The following NOTCH2 variants were observed in gnomAD, a reference collection of about 807,000 sequenced individuals.
NOTCH2 encodes the protein neurogenic locus notch homolog protein 2.
In NOTCH2, 29 loss-of-function variants were observed where a neutral mutation model predicts 235.8. The ratio of observed to expected loss-of-function variants is 0.12; its 90% CI spans 0.09 to 0.17. NOTCH2 has a LOEUF of 0.17. Among genes scored for constraint, NOTCH2 ranks in the 10% least tolerant of loss-of-function variants. The pLI is 1.00. For missense variants in NOTCH2, 2,285 were observed against 3,150.2 expected (o/e 0.73, Z 6.57); for synonymous variants, 1,086 against 1,141.5 (o/e 0.95, Z 0.98).
At chr1:119,922,540 C>T (rs1383973879) in intron 27 of NOTCH2, 94 bp from the exon 28 acceptor site, 12 of 1,601,502 alleles carry the variant, frequency 7.5e-6, no homozygotes, top group Middle Eastern at 1.6e-4. Context: ...TTGACCTCAA[C>T]AGTCCTGAAA....
intron 19 of NOTCH2, among the ~76,000 whole-genome samples, chr1:119,940,289 C>G (rs1444085440): frequency 6.6e-6 from 1 of 152,118 alleles, no homozygotes; most frequent in East Asian, 1.9e-4. Context: ...AAACAAAAAA[C>G]AAAAATCTGT....
chr1:120,023,471 C>T (rs1268837456), intron 2 of NOTCH2, among the ~76,000 whole-genome samples: 5 of 134,638 alleles, frequency 3.7e-5, no homozygotes, highest in Non-Finnish European at 6.2e-5. Context: ...ATGTCCTCTT[C>T]ATGTCACCAG....
intron 4 of NOTCH2, chr1:119,996,539 G>T (rs1368525994): frequency 2.2e-4 from 142 of 656,458 alleles, no homozygotes; most frequent in Non-Finnish European, 3.8e-4. Context: ...CATTTAGGTG[G>T]ATAAGAAAAC....
intron 5 of NOTCH2, among the ~76,000 whole-genome samples, chr1:119,979,342 G>T (rs1198870062): frequency 6.6e-6 from 1 of 152,176 alleles, no homozygotes; most frequent in African/African-American, 2.4e-5. Flanking sequence ...AAGGCAGGGA[G>T]CCCAGTGTTA....
At chr1:119,960,817 C>T (rs1463527309) in intron 11 of NOTCH2, among the ~76,000 whole-genome samples, 2 of 151,998 alleles carry the variant, frequency 1.3e-5, no homozygotes, top group African/African-American at 4.8e-5. Flanking sequence ...GTGTGTACCA[C>T]CTTACCTGGC....
At chr1:119,978,118 A>G (rs1651662722) in intron 5 of NOTCH2, among the ~76,000 whole-genome samples, 1 of 152,098 alleles carries the variant, frequency 6.6e-6, no homozygotes, top group South Asian at 2.1e-4. Flanking sequence ...GCCTGGGAGG[A>G]GCGTGCCAGG....
rs1430364629 is a variant in NOTCH2 at position 120,065,496 on chromosome 1, T to C, written c.73+3838A>G. On this transcript the variant is annotated intron_variant, in intron 1 of 33. Coordinates refer to ENST00000256646, the MANE Select transcript of NOTCH2 (RefSeq NM_024408.4). The stretch of plus-strand genomic sequence containing the variant: ...GCATTTGTACACGAGATGGAAGCAA[T>C]GAGGACAGTGAATGAGGCACTGGAC... 3.3e-5 allele frequency among the ~76,000 whole-genome samples: 5 copies of C among 152,276 alleles called. No individual in the cohort carries two copies. The East Asian group carries it at 7.7e-4, about 24-fold the overall frequency.
intron 1 of NOTCH2, among the ~76,000 whole-genome samples, chr1:120,045,665 C>G (rs1245652265): frequency 1.3e-5 from 2 of 152,110 alleles, no homozygotes; most frequent in East Asian, 3.8e-4. Flanking sequence ...GAGATACAAC[C>G]TAATTCACAT....
chr1:119,996,885 T>C, intron 4 of NOTCH2, 112 bp downstream of exon 4: 1 of 1,337,908 alleles, frequency 7.5e-7, no homozygotes, highest in African/African-American at 1.4e-5. Flanking sequence ...CCACACAAAA[T>C]TCTCACTTCC....
chr1:119,967,819 C>A (rs1416353219), intron 7 of NOTCH2, among the ~76,000 whole-genome samples, 198 bp from the exon 8 acceptor site: 2 of 152,134 alleles, frequency 1.3e-5, no homozygotes, highest in East Asian at 3.9e-4. Flanking sequence ...TCTGCTATTG[C>A]AGTTTCTGCC....
rs1652677026 is a variant in NOTCH2, at chr1:119,999,980, G to GAAAGA, written c.416-2649_416-2648insTCTTT. On this transcript the variant is annotated intron_variant, in intron 3 of 33. Coordinates refer to ENST00000256646, the MANE Select transcript of NOTCH2 (RefSeq NM_024408.4). ...GAAAGAAAGAAAGAAAGAAAGAAAG[G>GAAAGA]AAGGAAGGAAGGAAGGAAGGAAGGA... 2.0e-4 allele frequency among the ~76,000 whole-genome samples: 15 copies of GAAAGA among 73,324 alleles called. No homozygotes were observed. In the South Asian group the frequency reaches 2.1e-3, roughly 10 times the overall value. 48.1% of individuals were successfully genotyped at this position (73,324 alleles called of 152,430 possible).
Position 119,941,448 on chromosome 1 carries a change from A to T in NOTCH2, c.2981+78T>A. The T allele has an allele frequency of 3.0e-6, 3 of 1,011,230 alleles. No homozygotes were observed. The South Asian group carries it at 4.0e-5, about 13-fold the overall frequency. 62.6% of individuals were successfully genotyped at this position (1,011,230 alleles called of 1,614,324 possible). A position where few individuals can be genotyped will look rare whatever the true frequency, so the allele number is the denominator to read the frequency against. On this transcript the variant is annotated intron_variant, in intron 18 of 33. Coordinates refer to ENST00000256646, the MANE Select transcript of NOTCH2 (RefSeq NM_024408.4). ...CACCTCATCCCTGCTCCACAATTCT[A>T]GCATTGTGCTCTGAAATTTCCTTCC...
intron 17 of NOTCH2, among the ~76,000 whole-genome samples, chr1:119,946,101 A>G (rs782515774): frequency 6.6e-6 from 1 of 152,096 alleles, no homozygotes; most frequent in Admixed American, 6.6e-5. Flanking sequence ...GGTGAATTGG[A>G]CTAATTCTTT....
In NOTCH2 at chr1:119,916,666, C is replaced by A. The variant is rs201446896; in HGVS notation, c.6056G>T (p.Arg2019Leu). 6.2e-7 allele frequency: 1 copy of A among 1,614,160 alleles called. No individual in the cohort carries two copies. The highest frequency in any genetic ancestry group is 2.2e-5 in the East Asian group (1 of 44,882). Reference sequence around the variant, plus strand: ...CTTGGCTGCTTCATAGCTCCCCTCCCGGGCAGCAAGAAACAGAGGTGTCTC... The same window carrying A: ...CTTGGCTGCTTCATAGCTCCCCTCCAGGGCAGCAAGAAACAGAGGTGTCTC... ...KEETPLFLAA[R>L]EGSYEAAKIL... The change falls in exon 34 of 34, where the codon CGG (arginine) becomes CTG (leucine). Residue 2019 changes from arginine to leucine, a missense_variant. Arg to Leu is a moderately radical substitution (Grantham distance 102). Coordinates refer to ENST00000256646, the MANE Select transcript of NOTCH2 (RefSeq NM_024408.4).
intron 11 of NOTCH2, among the ~76,000 whole-genome samples, chr1:119,963,320 T>C (rs1553199257): frequency 6.6e-6 from 1 of 152,150 alleles, no homozygotes; most frequent in African/African-American, 2.4e-5. Flanking sequence ...TTTGAAGTGG[T>C]ATGCCTCTAT....
intron 19 of NOTCH2, 116 bp downstream of exon 19, chr1:119,940,439 A>T: frequency 1.5e-5 from 13 of 891,664 alleles, no homozygotes; most frequent in Non-Finnish European, 2.4e-5. Context: ...ATCTCAGGGA[A>T]TCCCTGAGAT....
At chr1:119,938,071 A>G in intron 19 of NOTCH2, 61 bp from the exon 20 acceptor site, 2 of 1,566,180 alleles carry the variant, frequency 1.3e-6, no homozygotes, top group Admixed American at 3.4e-5. Flanking sequence ...GAAGAAAAGA[A>G]GTTATATTGT....
At chr1:120,033,965 GA>G (rs1553211408) in intron 1 of NOTCH2, among the ~76,000 whole-genome samples, 1 of 150,314 alleles carries the variant, frequency 6.7e-6, no homozygotes, top group African/African-American at 2.4e-5. Flanking sequence ...CTTTACTCAG[GA>G]GCAAAAATGA....
chr1:119,956,952 G>A (rs1553198417), intron 12 of NOTCH2, among the ~76,000 whole-genome samples: 1 of 152,198 alleles, frequency 6.6e-6, no homozygotes, highest in Non-Finnish European at 1.5e-5. Context: ...TTTGGGCTAG[G>A]TAACTAAAAT....
Sources: allele counts gnomAD v4.1 joint callset (sites outside exome capture counted in the v4.1 genomes callset), GRCh38; gene constraint gnomAD v4.1.1; transcripts MANE v1.5; gene names NCBI Gene and HGNC (gene_info 2026-07-23, HGNC 2026-07-21).